Variants in PCDHA12 observed in about 807,000 individuals in gnomAD.
PCDHA12 encodes protocadherin alpha-12.
A neutral mutation model predicts 60.0 loss-of-function variants in PCDHA12; 44 were observed. The observed-to-expected ratio is 0.73, with a 90% CI of 0.58 to 0.94. The LOEUF is 0.94. Ranked by LOEUF, PCDHA12 falls within the 40% of genes least tolerant of loss-of-function variation. The probability of loss-of-function intolerance (pLI) is 0.00; values close to 1 mark genes in which losing one functional copy is unlikely to be tolerated. For synonymous variants in PCDHA12, 569 were observed against 553.0 expected, an observed-to-expected ratio of 1.03 and a Z score of -0.40; for missense variants, 1,276 against 1,239.7, an observed-to-expected ratio of 1.03 and a Z score of -0.44.
intron 1 of PCDHA12, among the ~76,000 whole-genome samples, chr5:140,902,200 TTTC>T (rs1318376699): frequency 6.9e-6 from 1 of 144,634 alleles, no homozygotes; most frequent in African/African-American, 2.7e-5. Flanking sequence ...TCTCTCTCTC[TTTC>T]TTTTTTTTTT....
At chr5:140,938,055 T>C (rs1475337267) in intron 1 of PCDHA12, among the ~76,000 whole-genome samples, 1 of 152,232 alleles carries the variant, frequency 6.6e-6, no homozygotes, top group African/African-American at 2.4e-5. Flanking sequence ...TTTCTACATA[T>C]ACTGTCATGC....
chr5:140,927,417 G>T (rs74597681), intron 1 of PCDHA12: 1 of 1,614,100 alleles, frequency 6.2e-7, no homozygotes, highest in Non-Finnish European at 8.5e-7. Flanking sequence ...ACATGGGATC[G>T]CGGGTTGACG....
rs1338866234 is a variant in PCDHA12 at position 141,009,892 on chromosome 5, GAA to G, written c.2786_2787del (p.Lys929ArgfsTer8). ...AGAAGAAGGGTAACAAGACCCAGGA[GAA>G]AAAAGAGAAAGGGAACAGCACGACT... ...KKKKGNKTQE[K>X]KEKGNSTTDN... On this transcript the variant is annotated frameshift_variant, in exon 4 of 4. Coordinates refer to ENST00000398631, the MANE Select transcript of PCDHA12 (RefSeq NM_018903.4). LOFTEE classifies it high-confidence loss of function. The G allele has an allele frequency of 3.7e-6, 6 of 1,612,022 alleles. No individual in the cohort carries two copies. The Admixed American group carries it at 1.0e-4, about 27-fold the overall frequency.
chr5:140,883,294 T>A (rs782475623), intron 1 of PCDHA12: 6 of 1,613,956 alleles, frequency 3.7e-6, no homozygotes, highest in Non-Finnish European at 4.2e-6. Context: ...AAGTACTAGA[T>A]GTAAATGATA....
chr5:140,959,141 C>G (rs936183508), intron 1 of PCDHA12, among the ~76,000 whole-genome samples: 1 of 151,924 alleles, frequency 6.6e-6, no homozygotes, highest in Admixed American at 6.6e-5. Context: ...CTTTGGGAGG[C>G]CAAAGTGGGC....
At chr5:140,952,352 A>G (rs2094730295) in intron 1 of PCDHA12, among the ~76,000 whole-genome samples, 1 of 103,372 alleles carries the variant, frequency 9.7e-6, no homozygotes, top group Non-Finnish European at 2.0e-5. Flanking sequence ...AAAAAAAAAA[A>G]AAGAAAGAAA....
chr5:140,967,334 A>T, intron 1 of PCDHA12: 1 of 1,608,228 alleles, frequency 6.2e-7, no homozygotes, highest in South Asian at 1.1e-5. Flanking sequence ...GCTCAGCCCC[A>T]GCGAGCACTT....
At chr5:140,880,241 C>A (rs529552139) in intron 1 of PCDHA12, among the ~76,000 whole-genome samples, 1 of 150,190 alleles carries the variant, frequency 6.7e-6, no homozygotes, top group African/African-American at 2.5e-5. Flanking sequence ...AGTGTATGTG[C>A]GTGTGTGTAT....
chr5:140,898,737 G>T (rs2066951107), intron 1 of PCDHA12, among the ~76,000 whole-genome samples: 1 of 152,102 alleles, frequency 6.6e-6, no homozygotes, highest in African/African-American at 2.4e-5. Flanking sequence ...AAAGTCATTG[G>T]TAGCTTGATG....
rs1171497178 is a variant in PCDHA12, at chr5:140,993,431, C to A, written c.2515+10868C>A. 2.7e-5 allele frequency among the ~76,000 whole-genome samples: 4 copies of A among 149,406 alleles called. No homozygotes were observed. The Admixed American group carries it at 2.7e-4, about 10-fold the overall frequency. On this transcript the variant is annotated intron_variant, in intron 3 of 3. Coordinates refer to ENST00000398631, the MANE Select transcript of PCDHA12 (RefSeq NM_018903.4). ...TCATCAGCATTTCTCTTTTAAAATC[C>A]TTATTCATTCCTGTTCTCCTTCTTT...
At chr5:140,928,836 C>T (rs1554206380) in intron 1 of PCDHA12, 1 of 1,614,168 alleles carries the variant, frequency 6.2e-7, no homozygotes. Context: ...CACTTTCCTC[C>T]TCTGTCACTC....
At chr5:140,924,839 G>A (rs1049952478) in intron 1 of PCDHA12, among the ~76,000 whole-genome samples, 3 of 150,922 alleles carry the variant, frequency 2.0e-5, no homozygotes, top group Non-Finnish European at 4.4e-5. Context: ...AGGTTGCAGG[G>A]AGCTCAGATC....
At chr5:140,976,338 G>A (rs1554237535) in intron 1 of PCDHA12, among the ~76,000 whole-genome samples, 1 of 152,018 alleles carries the variant, frequency 6.6e-6, no homozygotes, top group Non-Finnish European at 1.5e-5. Flanking sequence ...ATTGCCTGAG[G>A]TCAGGTGTTC....
At chr5:140,967,792 A>C (rs371669028) in intron 1 of PCDHA12, 5 of 1,614,212 alleles carry the variant, frequency 3.1e-6, no homozygotes, top group Non-Finnish European at 4.2e-6. Flanking sequence ...ACCGGGGTCC[A>C]GTGCCCATGG....
chr5:140,982,357 A>G, intron 2 of PCDHA12, 118 bp from the exon 3 acceptor site: 1 of 1,520,660 alleles, frequency 6.6e-7, no homozygotes. Flanking sequence ...TTCAAGCATG[A>G]GCAGAATGTG....
At chr5:141,000,547 A>T (rs2097946124) in intron 3 of PCDHA12, among the ~76,000 whole-genome samples, 1 of 147,246 alleles carries the variant, frequency 6.8e-6, no homozygotes, top group Non-Finnish European at 1.5e-5. Context: ...CATGCCTCAA[A>T]CTCCCGAGTA....
At position 140,877,458 on chromosome 5, in the gene PCDHA12, G is replaced by C; in HGVS notation, c.1986G>C (p.Thr662=). 1 of 1,613,814 alleles carries C rather than the reference G, an allele frequency of 6.2e-7. No individual in the cohort carries two copies. Among genetic ancestry groups the C allele is most frequent in the Non-Finnish European group, 8.5e-7 (1 of 1,179,856 alleles). The change falls in exon 1 of 4, where the codon ACG becomes ACC. Residue 662 remains threonine (T), a synonymous_variant. Coordinates refer to ENST00000398631, the MANE Select transcript of PCDHA12 (RefSeq NM_018903.4). ...KDHGEPALTS[T]ATVLVSLVEN... is the part of the protein sequence containing the mutation. ...ACGGTGAGCCCGCGCTGACGTCCAC[G>C]GCCACGGTGCTGGTGTCGCTGGTGG...
intron 1 of PCDHA12, among the ~76,000 whole-genome samples, chr5:140,971,183 G>C (rs1471489236): frequency 1.3e-5 from 2 of 152,170 alleles, no homozygotes; most frequent in African/African-American, 4.8e-5. Flanking sequence ...CTGTAAGCCG[G>C]AAGCTCAGAG....
intron 1 of PCDHA12, among the ~76,000 whole-genome samples, chr5:140,909,538 A>T (rs1204423392): frequency 6.6e-6 from 1 of 152,148 alleles, no homozygotes; most frequent in East Asian, 1.9e-4. Context: ...TGAGTCCTTG[A>T]TGGTGGCACT....
Sources: allele counts gnomAD v4.1 joint callset (sites outside exome capture counted in the v4.1 genomes callset), GRCh38; gene constraint gnomAD v4.1.1; transcripts MANE v1.5; gene names NCBI Gene and HGNC (gene_info 2026-07-23, HGNC 2026-07-21).